Variants in NMRK1 observed in about 807,000 individuals in gnomAD.
NMRK1 encodes the protein nicotinamide riboside kinase 1, also known as NRK 1.
A neutral mutation model predicts 29.9 loss-of-function variants in NMRK1; 28 were observed. The ratio of observed to expected loss-of-function variants is 0.94; its 90% CI spans 0.69 to 1.28. NMRK1 has a LOEUF of 1.28. Ranked by LOEUF, NMRK1 falls within the 50% of genes most tolerant of loss-of-function variation. NMRK1 has a pLI of 0.00. For missense variants in NMRK1, 218 were observed against 233.1 expected (o/e 0.94, Z 0.42); for synonymous variants, 58 against 73.0 (o/e 0.79, Z 1.05).
At chr9:75,079,779 G>T (rs369080672) in intron 2 of NMRK1, among the ~76,000 whole-genome samples, 1 of 151,964 alleles carries the variant, frequency 6.6e-6, no homozygotes, top group Non-Finnish European at 1.5e-5. Context: ...TGGGGGAATA[G>T]GATGGGGTAA....
At position 75,068,995 on chromosome 9, in the gene NMRK1, C is replaced by A. The variant is rs574254185; in HGVS notation, c.496+1G>T. 2.4e-5 allele frequency: 38 copies of A among 1,607,848 alleles called. No homozygotes were observed. The South Asian group carries it at 4.0e-4, about 17-fold the overall frequency. ...TGAACAGAAGGAGAAAAGGCACTTA[C>A]CAACTTCCCATGTGATGTCCTGCAT... On this transcript the variant is annotated splice_donor_variant, in intron 7 of 8. Transcript: ENST00000361092. LOFTEE classifies it high-confidence loss of function.
chr9:75,064,154 G>C (rs1347052597), intron 8 of NMRK1, among the ~76,000 whole-genome samples: 2 of 152,166 alleles, frequency 1.3e-5, no homozygotes, highest in Non-Finnish European at 2.9e-5. Context: ...GGTGAAGACT[G>C]AATTTGGAAT....
chr9:75,061,356 A>G lies in NMRK1; in HGVS notation c.*192T>C. 1.9e-6 allele frequency: 1 copy of G among 537,202 alleles called. No homozygotes were observed. The highest frequency in any genetic ancestry group is 3.3e-6 in the Non-Finnish European group (1 of 304,270). The allele number at this position is 537,202 out of a possible 1,614,324, so 33.3% of individuals were successfully genotyped here. ...TCCCTGGAGAGGGAGCAACTTGCTA[A>G]GGTACAGTCCTGTCCATTGGCATGG... On this transcript the variant is annotated 3_prime_UTR_variant, in exon 9 of 9. Transcript: ENST00000361092.
chr9:75,072,006 T>A (rs1337469261), intron 4 of NMRK1, among the ~76,000 whole-genome samples: 1 of 152,178 alleles, frequency 6.6e-6, no homozygotes, highest in East Asian at 1.9e-4. Context: ...GCTGAATGGA[T>A]CTTCTGGAAG....
chr9:75,063,490 ATAAT>A (rs1258529437), intron 8 of NMRK1, among the ~76,000 whole-genome samples: 2 of 152,272 alleles, frequency 1.3e-5, no homozygotes, highest in African/African-American at 4.8e-5. Context: ...GAATAAGGAA[ATAAT>A]TAAATTTTGC....
chr9:75,085,335 T>C (rs1277485186), intron 1 of NMRK1, among the ~76,000 whole-genome samples: 1 of 152,204 alleles, frequency 6.6e-6, no homozygotes, highest in Non-Finnish European at 1.5e-5. Context: ...AAGCCAGATA[T>C]TAAACTAAAC....
At chr9:75,087,194 TG>T (rs946397834) in intron 1 of NMRK1, among the ~76,000 whole-genome samples, 54 of 152,176 alleles carry the variant, frequency 3.5e-4, no homozygotes, top group African/African-American at 1.3e-3. Flanking sequence ...CGTGAAGGGC[TG>T]GGGTTTTTGA....
chr9:75,077,601 A>G lies in NMRK1; in HGVS notation c.30-21T>C, dbSNP rs1824074786. 4 of 1,551,922 alleles carry G rather than the reference A, an allele frequency of 2.6e-6. No homozygotes were observed. The Admixed American group carries it at 5.1e-5, about 20-fold the overall frequency. ...TCACACTGAAGCAAAGAAAAAAGAA[A>G]GTACCAAGAAGGAAAATGCATTAAA... On this transcript the variant is annotated intron_variant, in intron 2 of 8. Transcript: ENST00000361092.
intron 2 of NMRK1, chr9:75,082,715 G>T (rs2273766): frequency 0.28 from 61,930 of 221,392 alleles, 9,812 homozygotes; most frequent in East Asian, 0.44. Flanking sequence ...AATGTCTGAA[G>T]CTGGGCACAG....
chr9:75,078,502 G>A (rs1476521079), intron 2 of NMRK1: 2 of 1,376,112 alleles, frequency 1.5e-6, no homozygotes, highest in African/African-American at 2.9e-5. Context: ...TAGTTTTGCA[G>A]CATCGAGGAG....
intron 8 of NMRK1, among the ~76,000 whole-genome samples, chr9:75,062,823 G>C (rs1396969536): frequency 6.6e-6 from 1 of 152,140 alleles, no homozygotes; most frequent in Non-Finnish European, 1.5e-5. Context: ...CCTGAGGTCA[G>C]GAGTTTGAGA....
intron 1 of NMRK1, among the ~76,000 whole-genome samples, chr9:75,086,967 G>T (rs145571636): frequency 6.6e-6 from 1 of 150,860 alleles, no homozygotes; most frequent in East Asian, 1.9e-4. Context: ...GTGCAGTGGC[G>T]CAATCTCGGC....
In NMRK1 at chr9:75,060,783, A is replaced by AG. The variant is rs1474975219; in HGVS notation, c.*764dup. ...TTTGACAAAAACAAAATGAACCACG[A>AG]GGGGGGAGAAAGAAACCAGAAACCC... On this transcript the variant is annotated 3_prime_UTR_variant, in exon 9 of 9. Coordinates refer to ENST00000361092, the MANE Select transcript of NMRK1 (RefSeq NM_017881.3). 4 of 148,874 alleles carry AG rather than the reference A, an allele frequency of 2.7e-5. No individual in the cohort carries two copies. The highest frequency in any genetic ancestry group is 5.9e-5 in the Non-Finnish European group (4 of 67,304). The allele number at this position is 148,874 out of a possible 1,614,324, so 9.2% of individuals were successfully genotyped here.
At chr9:75,083,261 C>A (rs1010488670) in intron 1 of NMRK1, 111 bp from the exon 2 acceptor site, 125 of 654,896 alleles carry the variant, frequency 1.9e-4, no homozygotes, top group Non-Finnish European at 3.1e-4. Flanking sequence ...ATGACAGTGA[C>A]CTTTCAGCCC....
intron 1 of NMRK1, chr9:75,087,540 G>A (rs1433087291): frequency 6.6e-6 from 1 of 151,868 alleles, no homozygotes; most frequent in Non-Finnish European, 1.5e-5. Context: ...TACGGACACT[G>A]AAATCGTAAT....
intron 6 of NMRK1, 131 bp downstream of exon 6, chr9:75,069,611 T>C: frequency 1.4e-6 from 1 of 719,052 alleles, no homozygotes; most frequent in East Asian, 2.7e-5. Context: ...TTGCTCCTTT[T>C]GTAAAAGAGT....
intron 7 of NMRK1, among the ~76,000 whole-genome samples, chr9:75,068,246 T>C (rs766867726): frequency 1.4e-4 from 22 of 152,146 alleles, no homozygotes; most frequent in Non-Finnish European, 2.5e-4. Flanking sequence ...CAGAGGGGTC[T>C]TAACTAAAAC....
In NMRK1 at chr9:75,076,734, C is replaced by T. The variant is rs142722412; in HGVS notation, c.169+425G>A. On this transcript the variant is annotated intron_variant, in intron 4 of 8. Transcript: ENST00000361092. ...CCTCCAAAGGAGCTGTGACTACAGG[C>T]ATGCACCACCACACCTGGCTAATTT... Among the ~76,000 whole-genome samples, 512 of 152,206 alleles carry T rather than the reference C, an allele frequency of 3.4e-3. 2 individuals are homozygous for T. The highest frequency in any genetic ancestry group is 0.012 in the African/African-American group (497 of 41,514).
intron 7 of NMRK1, among the ~76,000 whole-genome samples, chr9:75,067,915 C>T (rs1452383599): frequency 6.6e-6 from 1 of 152,190 alleles, no homozygotes; most frequent in Non-Finnish European, 1.5e-5. Flanking sequence ...TTTGCCTTAT[C>T]CAACAGCCTT....
Sources: allele counts gnomAD v4.1 joint callset (sites outside exome capture counted in the v4.1 genomes callset), GRCh38; gene constraint gnomAD v4.1.1; transcripts MANE v1.5; gene names NCBI Gene and HGNC (gene_info 2026-07-23, HGNC 2026-07-21).